The following DLG2 variants were observed in gnomAD, a reference collection of about 807,000 sequenced individuals.
DLG2 encodes the protein disks large homolog 2.
In DLG2, 45 loss-of-function variants were observed where a neutral mutation model predicts 132.5. The observed-to-expected ratio is 0.34, with a 90% CI of 0.27 to 0.44. The LOEUF (loss-of-function observed/expected upper bound fraction) is 0.44, where lower values mean the gene tolerates loss of function less well. DLG2 is among the 20% of genes least tolerant of loss of function. The probability of loss-of-function intolerance (pLI) is 1.00; values close to 1 mark genes in which losing one functional copy is unlikely to be tolerated. For missense variants in DLG2, 1,045 were observed against 1,196.9 expected (o/e 0.87, Z 1.87); for synonymous variants, 424 against 419.6 (o/e 1.01, Z -0.13).
At chr11:83,934,433 T>C (rs2081015946) in intron 14 of DLG2, among the ~76,000 whole-genome samples, 1 of 152,216 alleles carries the variant, frequency 6.6e-6, no homozygotes, top group Non-Finnish European at 1.5e-5. Context: ...TTTGTCTTAA[T>C]TGCTGTTTCT....
chr11:83,733,229 A>G (rs1393657235), intron 18 of DLG2, among the ~76,000 whole-genome samples: 1 of 133,008 alleles, frequency 7.5e-6, no homozygotes, highest in Non-Finnish European at 1.6e-5. Context: ...CAATGGAGGG[A>G]GACCCCATCT....
At chr11:85,249,891 T>C (rs186306732) in intron 4 of DLG2, among the ~76,000 whole-genome samples, 2 of 152,246 alleles carry the variant, frequency 1.3e-5, no homozygotes, top group Admixed American at 1.3e-4. Flanking sequence ...TCGGGAAGAA[T>C]GCTAGACAGC....
intron 5 of DLG2, among the ~76,000 whole-genome samples, chr11:85,113,039 C>T (rs879569862): frequency 2.6e-5 from 4 of 151,950 alleles, no homozygotes; most frequent in Admixed American, 1.3e-4. Context: ...CATCACTAAG[C>T]CCTAAAATGC....
intron 7 of DLG2, among the ~76,000 whole-genome samples, chr11:84,523,501 G>A (rs1348749653): frequency 2.0e-5 from 3 of 152,134 alleles, no homozygotes; most frequent in Non-Finnish European, 4.4e-5. Context: ...TTTTTGCAGA[G>A]TTTGGAAAAA....
chr11:85,185,212 T>C (rs2080003934), intron 4 of DLG2, among the ~76,000 whole-genome samples: 1 of 151,988 alleles, frequency 6.6e-6, no homozygotes, highest in Non-Finnish European at 1.5e-5. Context: ...CAAAATAGCA[T>C]CCTCAATCAT....
chr11:85,025,432 G>A (rs1000695506), intron 6 of DLG2, among the ~76,000 whole-genome samples: 9 of 152,284 alleles, frequency 5.9e-5, no homozygotes, highest in African/African-American at 2.2e-4. Context: ...ATTAATAGAT[G>A]CTAATGGTTG....
chr11:84,895,356 T>C (rs1429459983), intron 6 of DLG2, among the ~76,000 whole-genome samples: 6 of 152,118 alleles, frequency 3.9e-5, no homozygotes, highest in Admixed American at 3.9e-4. Flanking sequence ...AAAGATATAA[T>C]CAGTAACCTG....
chr11:83,943,378 C>A (rs2083098174), intron 14 of DLG2, among the ~76,000 whole-genome samples: 1 of 152,174 alleles, frequency 6.6e-6, no homozygotes, highest in Non-Finnish European at 1.5e-5. Context: ...ACATTCTTAA[C>A]CCAGAAACAG....
intron 6 of DLG2, among the ~76,000 whole-genome samples, chr11:84,637,084 G>A (rs1020246171): frequency 2.6e-5 from 4 of 152,152 alleles, no homozygotes; most frequent in African/African-American, 7.2e-5. Context: ...CACTGTGCCC[G>A]GCTGGGATGT....
intron 15 of DLG2, among the ~76,000 whole-genome samples, chr11:83,909,752 T>C (rs2075715358): frequency 6.6e-6 from 1 of 152,280 alleles, no homozygotes; most frequent in South Asian, 2.1e-4. Flanking sequence ...AAATGATTAC[T>C]GGTTGAGGGA....
At chr11:85,227,713 T>C (rs1164084642) in intron 4 of DLG2, among the ~76,000 whole-genome samples, 4 of 152,090 alleles carry the variant, frequency 2.6e-5, no homozygotes, top group East Asian at 3.9e-4. Context: ...TGGCTTCCCA[T>C]CTCATTCAGA....
At chr11:83,785,797 T>A (rs953183596) in intron 18 of DLG2, among the ~76,000 whole-genome samples, 1 of 152,196 alleles carries the variant, frequency 6.6e-6, no homozygotes, top group Non-Finnish European at 1.5e-5. Flanking sequence ...CTAATACTCA[T>A]ATGCACAGAG....
chr11:84,542,178 T>C (rs939105964), intron 6 of DLG2, among the ~76,000 whole-genome samples: 8 of 151,262 alleles, frequency 5.3e-5, no homozygotes, highest in African/African-American at 1.7e-4. Context: ...AAGGAACAAA[T>C]CAAAAGCTGG....
At chr11:83,716,314 C>A (rs577770446) in intron 18 of DLG2, among the ~76,000 whole-genome samples, 1 of 152,292 alleles carries the variant, frequency 6.6e-6, no homozygotes, top group South Asian at 2.1e-4. Context: ...TGGGAGGGAG[C>A]CAGCAGCCCT....
intron 5 of DLG2, among the ~76,000 whole-genome samples, chr11:85,143,639 T>C: frequency 6.6e-6 from 1 of 151,938 alleles, no homozygotes; most frequent in Admixed American, 6.6e-5. Flanking sequence ...CATTTTCATT[T>C]GTTTCATAAA....
intron 8 of DLG2, among the ~76,000 whole-genome samples, chr11:84,199,710 T>G (rs1439819819): frequency 6.6e-6 from 1 of 152,062 alleles, no homozygotes; most frequent in East Asian, 1.9e-4. Flanking sequence ...AAAGAAGGGT[T>G]TACTCAGTGG....
chr11:84,278,889 T>C (rs2097819784), intron 7 of DLG2, among the ~76,000 whole-genome samples: 1 of 152,124 alleles, frequency 6.6e-6, no homozygotes, highest in African/African-American at 2.4e-5. Flanking sequence ...CAGATATACA[T>C]GTGCCATGGT....
At chr11:85,026,001 A>G (rs1392269030) in intron 6 of DLG2, among the ~76,000 whole-genome samples, 3 of 152,008 alleles carry the variant, frequency 2.0e-5, no homozygotes, top group African/African-American at 4.8e-5. Context: ...CTAAATGTAC[A>G]TAAGACAATA....
intron 11 of DLG2, among the ~76,000 whole-genome samples, chr11:84,015,160 T>C (rs1012351715): frequency 1.3e-5 from 2 of 152,150 alleles, no homozygotes; most frequent in African/African-American, 4.8e-5. Flanking sequence ...ATTAATTAGA[T>C]TGATTTTACA....
Sources: allele counts gnomAD v4.1 joint callset (sites outside exome capture counted in the v4.1 genomes callset), GRCh38; gene constraint gnomAD v4.1.1; transcripts MANE v1.5; gene names NCBI Gene and HGNC (gene_info 2026-07-23, HGNC 2026-07-21).